MAPK10: variants seen among roughly 807,000 people sequenced by gnomAD.
MAPK10 encodes mitogen-activated protein kinase 10.
MAPK10 carries 25 observed loss-of-function variants against 59.3 expected under a neutral mutation model. The observed-to-expected ratio is 0.42, with a 90% CI of 0.31 to 0.59. MAPK10 has a LOEUF of 0.59. Among genes scored for constraint, MAPK10 ranks in the 20% least tolerant of loss-of-function variants. MAPK10 has a pLI of 0.15. For missense variants in MAPK10, 351 were observed against 568.9 expected (o/e 0.62, Z 3.90); for synonymous variants, 190 against 200.5 (o/e 0.95, Z 0.44).
intron 1 of MAPK10, among the ~76,000 whole-genome samples, chr4:86,530,796 G>A (rs145898660): frequency 5.3e-5 from 8 of 152,242 alleles, no homozygotes; most frequent in Non-Finnish European, 1.2e-4. Flanking sequence ...AATGAATTTG[G>A]GGGAAATACA....
At chr4:86,071,312 G>T (rs1013558397) in intron 9 of MAPK10, among the ~76,000 whole-genome samples, 1 of 138,902 alleles carries the variant, frequency 7.2e-6, no homozygotes, top group African/African-American at 2.8e-5. Context: ...AGATGAGTAG[G>T]TTGCGAACAT....
upstream of MAPK10, among the ~76,000 whole-genome samples, chr4:86,456,003 A>G (rs1293840553): frequency 6.6e-6 from 1 of 152,172 alleles, no homozygotes; most frequent in Non-Finnish European, 1.5e-5. Context: ...CTCCAAAAGG[A>G]ACCTTCAAAA....
At chr4:86,241,731 C>T (rs965074552) in intron 2 of MAPK10, among the ~76,000 whole-genome samples, 1 of 152,132 alleles carries the variant, frequency 6.6e-6, no homozygotes, top group Non-Finnish European at 1.5e-5. Context: ...ATTCCTCTAA[C>T]CTTTTATCAA....
At chr4:86,387,151 C>A (rs1286417303) in intron 1 of MAPK10, among the ~76,000 whole-genome samples, 1 of 152,080 alleles carries the variant, frequency 6.6e-6, no homozygotes, top group Non-Finnish European at 1.5e-5. Flanking sequence ...CACTTCATGG[C>A]TGGAAATGAA....
At chr4:86,341,392 T>C (rs1226690258) in intron 2 of MAPK10, among the ~76,000 whole-genome samples, 1 of 152,104 alleles carries the variant, frequency 6.6e-6, no homozygotes, top group Non-Finnish European at 1.5e-5. Flanking sequence ...ACATGATCAA[T>C]AGCAAAAACA....
rs1239437238 is a variant in MAPK10, at chr4:86,252,127, G to C, written c.-6-57720C>G. On this transcript the variant is annotated intron_variant, in intron 2 of 13. Coordinates refer to ENST00000641462, the MANE Select transcript of MAPK10 (RefSeq NM_138982.4). Reference sequence around the variant, plus strand: ...TTTTCTCCCATGTTGTAGGTTGCCTGTTCACTCTGATGGTAGTTTCTTTTG... The same window carrying C: ...TTTTCTCCCATGTTGTAGGTTGCCTCTTCACTCTGATGGTAGTTTCTTTTG... Among the ~76,000 whole-genome samples, 6 of 122,762 alleles carry C rather than the reference G, an allele frequency of 4.9e-5. 2 individuals are homozygous for C. The highest frequency in any genetic ancestry group is 3.0e-4 in the Admixed American group (4 of 13,478). The allele number at this position is 122,762 out of a possible 152,430, so 80.5% of individuals were successfully genotyped here.
chr4:86,327,727 G>A (rs2096059288), intron 2 of MAPK10: 1 of 142,982 alleles, frequency 7.0e-6, no homozygotes, highest in Admixed American at 7.5e-5. Flanking sequence ...ATCACCTGAG[G>A]TCAGGAGTTT....
chr4:86,506,189 G>C (rs1307536884), intron 1 of MAPK10, among the ~76,000 whole-genome samples: 1 of 152,122 alleles, frequency 6.6e-6, no homozygotes. Flanking sequence ...TCCAGGAAGG[G>C]AAAAATTAAT....
At chr4:86,529,233 T>G (rs1757691053) in intron 1 of MAPK10, among the ~76,000 whole-genome samples, 1 of 152,224 alleles carries the variant, frequency 6.6e-6, no homozygotes, top group East Asian at 1.9e-4. Flanking sequence ...GTTTACCTTC[T>G]TTGGCAGATG....
At chr4:86,219,908 A>G (rs1442538488) in intron 2 of MAPK10, 1 of 152,180 alleles carries the variant, frequency 6.6e-6, no homozygotes, top group Non-Finnish European at 1.5e-5. Flanking sequence ...TGCTTTGTAT[A>G]ATAAATTATT....
chr4:86,366,610 T>C (rs190919569), intron 1 of MAPK10, among the ~76,000 whole-genome samples: 23 of 152,026 alleles, frequency 1.5e-4, no homozygotes, highest in Admixed American at 1.3e-3. Flanking sequence ...AGGCAGACAA[T>C]TGATGGAGAT....
chr4:86,111,969 G>C (rs931105098), intron 4 of MAPK10, among the ~76,000 whole-genome samples: 1 of 152,062 alleles, frequency 6.6e-6, no homozygotes, highest in Non-Finnish European at 1.5e-5. Context: ...ATGTCCAGGA[G>C]TTTATCTGTT....
At chr4:86,174,014 C>T (rs945846928) in intron 3 of MAPK10, among the ~76,000 whole-genome samples, 3 of 143,196 alleles carry the variant, frequency 2.1e-5, no homozygotes, top group Non-Finnish European at 4.6e-5. Context: ...TGCTTTTACA[C>T]TGTTGGTGGG....
Position 86,327,362 on chromosome 4 carries a change from T to A in MAPK10, c.-7+27168A>T, listed in dbSNP as rs1393112574. The A allele has an allele frequency of 2.6e-5, 4 of 152,098 alleles. No homozygotes were observed. The East Asian group carries it at 5.8e-4, about 22-fold the overall frequency. The allele number at this position is 152,098 out of a possible 1,614,324, so 9.4% of individuals were successfully genotyped here. On this transcript the variant is annotated intron_variant, in intron 2 of 13. Coordinates refer to ENST00000641462, the MANE Select transcript of MAPK10 (RefSeq NM_138982.4). ...TTACCAAACAGGGATACCTTTAATT[T>A]TTTTTTAGCACAGATTATCTCACCC...
chr4:86,285,537 CT>C (rs1213677898), intron 2 of MAPK10, among the ~76,000 whole-genome samples: 1 of 152,006 alleles, frequency 6.6e-6, no homozygotes, highest in Non-Finnish European at 1.5e-5. Flanking sequence ...TCTAAGATGT[CT>C]TTCTAGTTCT....
At chr4:86,081,545 TA>T (rs2050658680) in intron 9 of MAPK10, 1 of 151,858 alleles carries the variant, frequency 6.6e-6, no homozygotes, top group African/African-American at 2.4e-5. Context: ...TCTTTGTTTA[TA>T]AAAAAGATAT....
rs28595863 is a variant in MAPK10 at position 86,487,992 on chromosome 4, C to T, written c.-263+105918G>A. Among the ~76,000 whole-genome samples the T allele has an allele frequency of 9.7e-3, 1,471 of 152,200 alleles. 31 individuals are homozygous for T. Among genetic ancestry groups the T allele is most frequent in the African/African-American group, 0.033 (1,375 of 41,514 alleles). ...AGGAGAAATTGGGACTCAGAGGCCT[C>T]AAGGTCTGATGCTACCTAGAGGACA... is the stretch of plus-strand genomic sequence containing the variant. On this transcript the variant is annotated intron_variant, in intron 1 of 4. Coordinates refer to the MAPK10 transcript ENST00000502302.
intron 11 of MAPK10, among the ~76,000 whole-genome samples, chr4:86,038,603 T>C (rs923972671): frequency 3.3e-5 from 5 of 152,144 alleles, no homozygotes; most frequent in Admixed American, 1.3e-4. Flanking sequence ...TTTTCACCAA[T>C]TAATTAGAAA....
intron 2 of MAPK10, among the ~76,000 whole-genome samples, chr4:86,196,361 C>T (rs1350879482): frequency 2.0e-5 from 3 of 152,118 alleles, no homozygotes; most frequent in South Asian, 2.1e-4. Flanking sequence ...TAAATGACTT[C>T]TTTTGAGAAG....
Sources: allele counts gnomAD v4.1 joint callset (sites outside exome capture counted in the v4.1 genomes callset), GRCh38; gene constraint gnomAD v4.1.1; transcripts MANE v1.5; gene names NCBI Gene and HGNC (gene_info 2026-07-23, HGNC 2026-07-21).